Variants in LMBRD1 observed in about 807,000 individuals in gnomAD.
LMBRD1 encodes LMBR1 domain containing 1.
LMBRD1 carries 64 observed loss-of-function variants against 74.8 expected under a neutral mutation model. The observed-to-expected ratio is 0.86, with a 90% CI of 0.70 to 1.05. The LOEUF is 1.05. Among genes scored for constraint, LMBRD1 ranks in the 50% least tolerant of loss-of-function variants. The pLI, the probability that LMBRD1 is intolerant of heterozygous loss-of-function variation, is 0.00. For missense variants in LMBRD1, 652 were observed against 645.9 expected, an observed-to-expected ratio of 1.01 and a Z score of -0.10; for synonymous variants, 204 against 216.3, an observed-to-expected ratio of 0.94 and a Z score of 0.50.
chr6:69,691,658 C>T (rs908554495), intron 14 of LMBRD1, among the ~76,000 whole-genome samples: 1 of 151,988 alleles, frequency 6.6e-6, no homozygotes, highest in Non-Finnish European at 1.5e-5. Flanking sequence ...AGGCAGATCA[C>T]GAGGTCAGGA....
At chr6:69,700,536 A>G (rs1448813847) in intron 12 of LMBRD1, among the ~76,000 whole-genome samples, 1 of 151,758 alleles carries the variant, frequency 6.6e-6, no homozygotes, top group Non-Finnish European at 1.5e-5. Flanking sequence ...ACAACTAAAA[A>G]TATCTCTAGA....
rs569621194 is a variant in LMBRD1, at chr6:69,728,646, A to C, written c.636+9296T>G. On this transcript the variant is annotated intron_variant, in intron 7 of 15. Coordinates refer to ENST00000649934, the MANE Select transcript of LMBRD1 (RefSeq NM_018368.4). ...TGGCCCTTATTTACAGTCTACTGTCAAACACAAGGCCTTCTGAATTATCCT... is the reference window on the plus strand; with the variant it reads ...TGGCCCTTATTTACAGTCTACTGTCCAACACAAGGCCTTCTGAATTATCCT... Among the ~76,000 whole-genome samples, 4 of 152,326 alleles carry C rather than the reference A, an allele frequency of 2.6e-5. 1 individual carries two copies. In the South Asian group the frequency reaches 8.3e-4, roughly 32 times the overall value.
intron 3 of LMBRD1, 31 bp downstream of exon 3, chr6:69,780,463 C>T: frequency 6.5e-7 from 1 of 1,544,700 alleles, no homozygotes; most frequent in East Asian, 2.2e-5. Flanking sequence ...GTTAGCAGTC[C>T]AAATAGGGAA....
At chr6:69,689,692 TC>T (rs1357459534) in intron 14 of LMBRD1, among the ~76,000 whole-genome samples, 1 of 152,142 alleles carries the variant, frequency 6.6e-6, no homozygotes, top group Non-Finnish European at 1.5e-5. Context: ...ATGGAAATAT[TC>T]CTGCCCCAGA....
chr6:69,697,677 G>C, intron 13 of LMBRD1, 36 bp from the exon 14 acceptor site: 1 of 1,233,106 alleles, frequency 8.1e-7, no homozygotes, highest in South Asian at 1.2e-5. Context: ...TATAAAAACC[G>C]CATTAATAAA....
At chr6:69,756,240 G>A (rs1052169582) in intron 3 of LMBRD1, among the ~76,000 whole-genome samples, 3 of 151,940 alleles carry the variant, frequency 2.0e-5, no homozygotes, top group African/African-American at 4.8e-5. Context: ...GCAAGCACCC[G>A]TAATCCCAGC....
chr6:69,761,192 A>ATCAT (rs1282539873), intron 3 of LMBRD1, among the ~76,000 whole-genome samples: 1 of 152,214 alleles, frequency 6.6e-6, no homozygotes. Flanking sequence ...GAGAATAAAA[A>ATCAT]TCATTTACAG....
intron 3 of LMBRD1, among the ~76,000 whole-genome samples, chr6:69,775,572 T>C (rs1037814843): frequency 5.1e-4 from 78 of 152,294 alleles, no homozygotes; most frequent in Admixed American, 6.5e-4. Flanking sequence ...AGACTCAAAT[T>C]ACACTAGAAG....
rs200243811 is a variant in LMBRD1, at chr6:69,685,808, A to G, written c.1418-9267T>C. 7.9e-5 allele frequency among the ~76,000 whole-genome samples: 12 copies of G among 152,238 alleles called. No homozygotes were observed. In the East Asian group the frequency reaches 1.9e-3, roughly 24 times the overall value. On this transcript the variant is annotated intron_variant, in intron 14 of 15. Coordinates refer to ENST00000649934, the MANE Select transcript of LMBRD1 (RefSeq NM_018368.4). ...AAGCGAGGCTCCGTCTCAAAAACAA[A>G]CAAACAAACAAAAACACACACACAA...
At chr6:69,777,815 C>T (rs1765738322) in intron 3 of LMBRD1, among the ~76,000 whole-genome samples, 1 of 152,176 alleles carries the variant, frequency 6.6e-6, no homozygotes, top group Non-Finnish European at 1.5e-5. Context: ...AAGGATTAGA[C>T]AAACTTAGCC....
intron 8 of LMBRD1, 87 bp downstream of exon 8, chr6:69,718,869 G>T: frequency 7.2e-7 from 1 of 1,395,376 alleles, no homozygotes; most frequent in Non-Finnish European, 1.0e-6. Context: ...AAAAGTTATG[G>T]GGTTGACAAT....
At chr6:69,796,043 C>A (rs1238014436) in intron 1 of LMBRD1, among the ~76,000 whole-genome samples, 1 of 152,080 alleles carries the variant, frequency 6.6e-6, no homozygotes, top group Non-Finnish European at 1.5e-5. Flanking sequence ...CCAAATAAAC[C>A]AAAGGGTTTT....
intron 3 of LMBRD1, among the ~76,000 whole-genome samples, chr6:69,756,305 G>T (rs1394592974): frequency 1.3e-5 from 2 of 149,696 alleles, no homozygotes; most frequent in Non-Finnish European, 2.9e-5. Context: ...GGAGGTTGCA[G>T]TAAGCCCAAT....
At chr6:69,774,270 C>T (rs1249586136) in intron 3 of LMBRD1, among the ~76,000 whole-genome samples, 1 of 152,198 alleles carries the variant, frequency 6.6e-6, no homozygotes, top group Non-Finnish European at 1.5e-5. Context: ...CCTCGCCTTC[C>T]ACCATGATTA....
intron 14 of LMBRD1, among the ~76,000 whole-genome samples, chr6:69,684,471 G>A (rs940007022): frequency 6.6e-6 from 1 of 151,988 alleles, no homozygotes; most frequent in Admixed American, 6.6e-5. Flanking sequence ...ATGAAAGTAG[G>A]AGATAATATA....
At chr6:69,792,774 A>C (rs549775773) in intron 1 of LMBRD1, among the ~76,000 whole-genome samples, 47 of 152,306 alleles carry the variant, frequency 3.1e-4, no homozygotes, top group African/African-American at 1.1e-3. Context: ...TGTTCCAATA[A>C]ATTTTTTATT....
chr6:69,698,744 G>T (rs113329800), intron 13 of LMBRD1, among the ~76,000 whole-genome samples: 1 of 151,758 alleles, frequency 6.6e-6, no homozygotes, highest in Non-Finnish European at 1.5e-5. Flanking sequence ...TCGTTAAAAC[G>T]TTATTTTAGA....
chr6:69,766,298 G>C (rs1006686173), intron 3 of LMBRD1, among the ~76,000 whole-genome samples: 1 of 151,782 alleles, frequency 6.6e-6, no homozygotes, highest in Non-Finnish European at 1.5e-5. Flanking sequence ...GTAGCTGTAG[G>C]CTTTTCATAG....
intron 3 of LMBRD1, among the ~76,000 whole-genome samples, chr6:69,772,975 TTACGAAGTAGGTACTAC>T (rs1261392321): frequency 6.6e-6 from 1 of 152,178 alleles, no homozygotes; most frequent in African/African-American, 2.4e-5. Flanking sequence ...ACTCCTAACC[TTACGAAGTAGGTACTAC>T]TTTATCACCA....
Sources: allele counts gnomAD v4.1 joint callset (sites outside exome capture counted in the v4.1 genomes callset), GRCh38; gene constraint gnomAD v4.1.1; transcripts MANE v1.5; gene names NCBI Gene and HGNC (gene_info 2026-07-23, HGNC 2026-07-21).